Variants in LGSN observed in about 807,000 individuals in gnomAD.
LGSN encodes lengsin, lens protein with glutamine synthetase domain.
A neutral mutation model predicts 19.5 loss-of-function variants in LGSN; 21 were observed. That is an observed-to-expected ratio of 1.07 (90% confidence interval 0.76 to 1.55). LGSN has a LOEUF of 1.55. Among genes scored for constraint, LGSN ranks in the 40% most tolerant of loss-of-function variants. The pLI is 0.00. For missense variants in LGSN, 673 were observed against 608.5 expected (o/e 1.11, Z -1.12); for synonymous variants, 257 against 215.6 (o/e 1.19, Z -1.68).
chr6:63,351,605 C>T, the LGSN span, among the ~76,000 whole-genome samples: 2 of 152,004 alleles, frequency 1.3e-5, no homozygotes, highest in Non-Finnish European at 2.9e-5. Flanking sequence ...TACAGGTGCC[C>T]GCCACCATGC....
the LGSN span, among the ~76,000 whole-genome samples, chr6:63,368,111 A>C: frequency 3.4e-5 from 5 of 147,916 alleles, no homozygotes; most frequent in East Asian, 9.9e-4. Context: ...AGAAAAAAAG[A>C]AGCCAGAAAA....
At chr6:63,421,314 C>CGG in the LGSN span, among the ~76,000 whole-genome samples, 1 of 151,960 alleles carries the variant, frequency 6.6e-6, no homozygotes, top group African/African-American at 2.4e-5. Context: ...CCCAGCTACT[C>CGG]GGGAGGCTGA....
chr6:63,523,427 G>A, the LGSN span, among the ~76,000 whole-genome samples: 5 of 152,094 alleles, frequency 3.3e-5, no homozygotes, highest in African/African-American at 4.8e-5. Context: ...CCAGCTACTC[G>A]GGAGGTTTGA....
chr6:63,525,431 A>C, the LGSN span, among the ~76,000 whole-genome samples: 1 of 152,176 alleles, frequency 6.6e-6, no homozygotes, highest in South Asian at 2.1e-4. Context: ...TATTCTTGTC[A>C]GTATCACCTA....
In LGSN at chr6:63,285,576, G is replaced by T; in HGVS notation, c.330+11C>A. The T allele has an allele frequency of 1.2e-6, 2 of 1,607,296 alleles. No individual in the cohort carries two copies. Among genetic ancestry groups the T allele is most frequent in the East Asian group, 4.5e-5 (2 of 44,818 alleles). ...TGAAATTACATTTAGTCACAACTGT[G>T]TAAAACTCACTTGAAAAAAGTGTGC... On this transcript the variant is annotated intron_variant, in intron 3 of 3. Coordinates refer to ENST00000370657, the MANE Select transcript of LGSN (RefSeq NM_016571.3).
chr6:63,565,750 C>G, the LGSN span, among the ~76,000 whole-genome samples: 1 of 152,094 alleles, frequency 6.6e-6, no homozygotes, highest in East Asian at 1.9e-4. Context: ...GTCTAAATTT[C>G]CCACAGAAAT....
the LGSN span, among the ~76,000 whole-genome samples, chr6:63,457,509 A>T: frequency 6.6e-6 from 1 of 151,880 alleles, no homozygotes; most frequent in Non-Finnish European, 1.5e-5. Flanking sequence ...TGTCTCAAAA[A>T]ATAATAAATT....
the LGSN span, among the ~76,000 whole-genome samples, chr6:63,403,234 A>T: frequency 6.6e-6 from 1 of 152,090 alleles, no homozygotes; most frequent in Non-Finnish European, 1.5e-5. Flanking sequence ...TTTTAAGTAA[A>T]AGTTTGCATT....
At chr6:63,421,594 G>T in the LGSN span, among the ~76,000 whole-genome samples, 4 of 152,084 alleles carry the variant, frequency 2.6e-5, no homozygotes, top group Admixed American at 1.3e-4. Context: ...TGGGTGTGGT[G>T]GCACGTGCCT....
chr6:63,328,266 C>T, the LGSN span, among the ~76,000 whole-genome samples: 1 of 152,194 alleles, frequency 6.6e-6, no homozygotes, highest in South Asian at 2.1e-4. Flanking sequence ...GTTAAGGGGA[C>T]TTCTAAGAGA....
chr6:63,310,904 G>A (rs1433891926), intron 1 of LGSN, among the ~76,000 whole-genome samples: 1 of 152,064 alleles, frequency 6.6e-6, no homozygotes, highest in Non-Finnish European at 1.5e-5. Flanking sequence ...AGGTTTCCTG[G>A]GCATTTTTCT....
At chr6:63,451,085 A>AACAGCTAAATGAAAAAAAG in the LGSN span, among the ~76,000 whole-genome samples, 1 of 152,224 alleles carries the variant, frequency 6.6e-6, no homozygotes, top group Non-Finnish European at 1.5e-5. Context: ...AAGATTAAAA[A>AACAGCTAAATGAAAAAAAG]ACAGCTAAAT....
At chr6:63,295,149 T>C in intron 1 of LGSN, 104 bp from the exon 2 acceptor site, 1 of 1,023,302 alleles carries the variant, frequency 9.8e-7, no homozygotes, top group Non-Finnish European at 1.5e-6. Flanking sequence ...TTAATGAGCA[T>C]AGAAGACTTT....
intron 3 of LGSN, among the ~76,000 whole-genome samples, chr6:63,282,330 A>G (rs971392699): frequency 6.6e-6 from 1 of 152,198 alleles, no homozygotes; most frequent in Admixed American, 6.5e-5. Flanking sequence ...TGCAAGCCAG[A>G]CACTTTCCTT....
At chr6:63,487,893 T>C in the LGSN span, among the ~76,000 whole-genome samples, 1 of 151,978 alleles carries the variant, frequency 6.6e-6, no homozygotes, top group African/African-American at 2.4e-5. Flanking sequence ...AGCAGGAGAA[T>C]TGCTTGAACC....
At chr6:63,480,535 A>C in the LGSN span, 2 of 153,146 alleles carry the variant, frequency 1.3e-5, no homozygotes, top group Non-Finnish European at 2.9e-5. Flanking sequence ...CCAAAAAAAA[A>C]ACCTGCCCCT....
chr6:63,536,234 G>A, the LGSN span, among the ~76,000 whole-genome samples: 1 of 152,178 alleles, frequency 6.6e-6, no homozygotes, highest in Non-Finnish European at 1.5e-5. Context: ...AGAGGCTGAG[G>A]CAGGAGAATC....
At chr6:63,523,427 G>T in the LGSN span, among the ~76,000 whole-genome samples, 7 of 151,978 alleles carry the variant, frequency 4.6e-5, no homozygotes, top group Admixed American at 3.3e-4. Flanking sequence ...CCAGCTACTC[G>T]GGAGGTTTGA....
the LGSN span, among the ~76,000 whole-genome samples, chr6:63,505,565 A>AAAAGAAAGAAAGAAAGAAAG: frequency 2.1e-3 from 123 of 58,642 alleles, 3 homozygotes; most frequent in Middle Eastern, 8.5e-3. Context: ...AAAAAAAAAA[A>AAAAGAAAGAAAGAAAGAAAG]AAAGAAAGAA....
Sources: allele counts gnomAD v4.1 joint callset (sites outside exome capture counted in the v4.1 genomes callset), GRCh38; gene constraint gnomAD v4.1.1; transcripts MANE v1.5; gene names NCBI Gene and HGNC (gene_info 2026-07-23, HGNC 2026-07-21).